TENM4: variants seen among roughly 807,000 people sequenced by gnomAD.
TENM4 encodes the protein teneurin-4.
TENM4 carries 82 observed loss-of-function variants against 243.3 expected under a neutral mutation model. The observed-to-expected ratio is 0.34, with a 90% confidence interval of 0.28 to 0.40. TENM4 has a LOEUF of 0.40. TENM4 is among the 10% of genes least tolerant of loss of function. The pLI, the probability that TENM4 is intolerant of heterozygous loss-of-function variation, is 1.00. For missense variants in TENM4, 3,138 were observed against 3,673.3 expected (o/e 0.85, Z 3.77); for synonymous variants, 1,412 against 1,456.3 (o/e 0.97, Z 0.69).
chr11:79,164,132 A>AGT lies in TENM4; in HGVS notation c.-162-15328_-162-15327dup, dbSNP rs1565230942. Reference sequence around the variant, plus strand: ...TACACTATATATACTATGTATATATAGTATATATGTATATATACAGTATAT... The same window carrying AGT: ...TACACTATATATACTATGTATATATAGTGTATATATGTATATATACAGTATAT... On this transcript the variant is annotated intron_variant, in intron 3 of 33. Transcript: ENST00000278550. Among the ~76,000 whole-genome samples, 19 of 121,054 alleles carry AGT rather than the reference A, an allele frequency of 1.6e-4. No homozygotes were observed. In the South Asian group the frequency reaches 2.0e-3, roughly 13 times the overall value. 79.4% of individuals were successfully genotyped at this position (121,054 alleles called of 152,430 possible).
chr11:79,039,999 T>C (rs776427764), intron 6 of TENM4, among the ~76,000 whole-genome samples: 6 of 149,920 alleles, frequency 4.0e-5, no homozygotes, highest in Non-Finnish European at 7.4e-5. Flanking sequence ...GGACCACTAC[T>C]ATATTCTCGG....
At position 78,725,858 on chromosome 11, in the gene TENM4, C is replaced by T. The variant is rs188351812; in HGVS notation, c.3550+221G>A. The stretch of plus-strand genomic sequence containing the variant: ...AACTGCCTGGTGAGTATTTGTGTCT[C>T]ACAGGCATAAAGCCTTGAGGCCATT... On this transcript the variant is annotated intron_variant, in intron 23 of 33. Coordinates refer to ENST00000278550, the MANE Select transcript of TENM4 (RefSeq NM_001098816.3). Among the ~76,000 whole-genome samples the T allele has an allele frequency of 7.4e-3, 1,123 of 152,312 alleles. 6 individuals are homozygous for T. Among genetic ancestry groups the T allele is most frequent in the Non-Finnish European group, 0.013 (859 of 68,032 alleles).
chr11:78,675,817 CT>C (rs1207941591), intron 30 of TENM4, among the ~76,000 whole-genome samples: 4 of 152,258 alleles, frequency 2.6e-5, no homozygotes, highest in Middle Eastern at 3.4e-3. Context: ...ACTTCTAATC[CT>C]TGTAGCAACT....
intron 4 of TENM4, among the ~76,000 whole-genome samples, chr11:79,074,676 A>C (rs1159228942): frequency 6.6e-6 from 1 of 152,188 alleles, no homozygotes; most frequent in African/African-American, 2.4e-5. Context: ...CTGAGCCTCT[A>C]CAAGTGGTGT....
chr11:79,437,872 C>T (rs754570194), intron 1 of TENM4, among the ~76,000 whole-genome samples: 4 of 152,096 alleles, frequency 2.6e-5, no homozygotes, highest in Non-Finnish European at 5.9e-5. Context: ...CTCTGGCAGC[C>T]GGGTTAAAGG....
At chr11:79,117,953 G>A (rs368284730) in intron 4 of TENM4, among the ~76,000 whole-genome samples, 70 of 152,286 alleles carry the variant, frequency 4.6e-4, no homozygotes, top group African/African-American at 1.6e-3. Flanking sequence ...GAAGAGAATG[G>A]TTATGAAAAG....
At chr11:79,118,176 G>T (rs1266339597) in intron 4 of TENM4, among the ~76,000 whole-genome samples, 1 of 152,142 alleles carries the variant, frequency 6.6e-6, no homozygotes, top group East Asian at 1.9e-4. Flanking sequence ...TTAGGAAGTG[G>T]CAGTAAGTGG....
intron 29 of TENM4, among the ~76,000 whole-genome samples, chr11:78,687,048 G>A (rs1002002995): frequency 6.6e-6 from 1 of 152,128 alleles, no homozygotes; most frequent in Non-Finnish European, 1.5e-5. Context: ...TAAAGAGATC[G>A]ACTGAGCAGC....
chr11:78,851,037 C>G (rs1457457617), intron 12 of TENM4, among the ~76,000 whole-genome samples: 1 of 152,176 alleles, frequency 6.6e-6, no homozygotes, highest in Non-Finnish European at 1.5e-5. Context: ...GGAGAAAAGG[C>G]CCAGGAATAT....
At chr11:79,323,743 C>A (rs1856929110) in intron 1 of TENM4, among the ~76,000 whole-genome samples, 2 of 152,232 alleles carry the variant, frequency 1.3e-5, no homozygotes, top group Admixed American at 1.3e-4. Flanking sequence ...AGATGCAATT[C>A]TGCCTCAAAC....
At chr11:78,914,879 A>G (rs1244504870) in intron 6 of TENM4, among the ~76,000 whole-genome samples, 6 of 152,250 alleles carry the variant, frequency 3.9e-5, no homozygotes, top group African/African-American at 1.4e-4. Flanking sequence ...GGCCAGGGGC[A>G]TAGTGAACAT....
chr11:79,120,973 G>T (rs1048890824), intron 4 of TENM4, among the ~76,000 whole-genome samples: 1 of 152,178 alleles, frequency 6.6e-6, no homozygotes, highest in Admixed American at 6.5e-5. Flanking sequence ...CTTGCCCAAA[G>T]TCACACATTA....
chr11:79,437,268 C>T lies in TENM4; in HGVS notation c.-321+3241G>A, dbSNP rs185396587. Among the ~76,000 whole-genome samples, 494 of 152,206 alleles carry T rather than the reference C, an allele frequency of 3.2e-3. 3 individuals carry two copies. Among genetic ancestry groups the T allele is most frequent in the African/African-American group, 0.01 (418 of 41,458 alleles). On this transcript the variant is annotated intron_variant, in intron 1 of 33. Transcript: ENST00000278550. ...ACACATGCACACACACACACACAGG[C>T]GCGCAGAAAACTAGTTCCCACTGTC...
chr11:79,285,097 G>T (rs1394720503), intron 2 of TENM4, among the ~76,000 whole-genome samples: 1 of 152,118 alleles, frequency 6.6e-6, no homozygotes, highest in Non-Finnish European at 1.5e-5. Context: ...AATTAGCTGG[G>T]CATGGTGGTG....
intron 1 of TENM4, among the ~76,000 whole-genome samples, chr11:79,391,357 G>T (rs570221306): frequency 6.6e-6 from 1 of 152,114 alleles, no homozygotes; most frequent in African/African-American, 2.4e-5. Flanking sequence ...ATGTTTCTCA[G>T]TTCCTTCCTC....
intron 33 of TENM4, 55 bp downstream of exon 33, chr11:78,661,394 C>T: frequency 1.3e-6 from 2 of 1,570,808 alleles, no homozygotes; most frequent in Non-Finnish European, 1.7e-6. Flanking sequence ...CTGAAGGGAC[C>T]CCCTCCAGTA....
At chr11:78,830,240 T>C (rs1857948517) in intron 12 of TENM4, among the ~76,000 whole-genome samples, 1 of 152,184 alleles carries the variant, frequency 6.6e-6, no homozygotes, top group African/African-American at 2.4e-5. Context: ...GGCCAATGTC[T>C]GGCTTCTTTC....
At chr11:79,188,557 G>T (rs574567720) in intron 3 of TENM4, among the ~76,000 whole-genome samples, 57 of 151,954 alleles carry the variant, frequency 3.8e-4, no homozygotes, top group Admixed American at 1.0e-3. Flanking sequence ...GATGAGGGGA[G>T]AAGGAAGGGA....
At chr11:79,158,761 AT>A (rs1862678112) in intron 3 of TENM4, among the ~76,000 whole-genome samples, 1 of 152,210 alleles carries the variant, frequency 6.6e-6, no homozygotes, top group South Asian at 2.1e-4. Context: ...ATGTTGAATA[AT>A]TTGCACAGGA....
Sources: allele counts gnomAD v4.1 joint callset (sites outside exome capture counted in the v4.1 genomes callset), GRCh38; gene constraint gnomAD v4.1.1; transcripts MANE v1.5; gene names NCBI Gene and HGNC (gene_info 2026-07-23, HGNC 2026-07-21).